The following MOCOS variants were observed in gnomAD, a reference collection of about 807,000 sequenced individuals.
MOCOS encodes the protein molybdenum cofactor sulfurase.
MOCOS carries 86 observed loss-of-function variants against 83.6 expected under a neutral mutation model. That is an observed-to-expected ratio of 1.03 (90% CI 0.86 to 1.23). MOCOS has a LOEUF of 1.23. MOCOS is among the 50% of genes most tolerant of loss of function. MOCOS has a pLI of 0.00. For synonymous variants in MOCOS, 445 were observed against 434.7 expected (o/e 1.02, Z -0.29); for missense variants, 1,120 against 1,126.9 (o/e 0.99, Z 0.09).
chr18:36,233,899 G>GTAA (rs2091548021), intron 9 of MOCOS, among the ~76,000 whole-genome samples: 1 of 83,272 alleles, frequency 1.2e-5, no homozygotes, highest in Admixed American at 1.5e-4. Flanking sequence ...TTTTGTTGCT[G>GTAA]ATTTGTTTGA....
chr18:36,263,330 G>A (rs1026942750), intron 13 of MOCOS, among the ~76,000 whole-genome samples: 1 of 152,140 alleles, frequency 6.6e-6, no homozygotes, highest in African/African-American at 2.4e-5. Context: ...GGCCTTTATT[G>A]CAAAATTATT....
At chr18:36,204,638 A>G (rs2091427535) in intron 5 of MOCOS, among the ~76,000 whole-genome samples, 1 of 152,194 alleles carries the variant, frequency 6.6e-6, no homozygotes, top group Non-Finnish European at 1.5e-5. Context: ...ATTTACACAC[A>G]TTTAAAATTA....
At chr18:36,190,425 G>A (rs367818222) in intron 1 of MOCOS, among the ~76,000 whole-genome samples, 4 of 151,942 alleles carry the variant, frequency 2.6e-5, no homozygotes, top group African/African-American at 7.3e-5. Context: ...TTCTCGTGAG[G>A]GTGCGTTCTC....
chr18:36,259,783 C>T lies in MOCOS; in HGVS notation c.2271-254C>T, dbSNP rs557276244. On this transcript the variant is annotated intron_variant, in intron 12 of 14. Coordinates refer to ENST00000261326, the MANE Select transcript of MOCOS (RefSeq NM_017947.4). ...TTCATCTCTTCAGCTAAGATCTGCT[C>T]GCCCTTTGCCTGGCTCTTGTGGGAC... Among the ~76,000 whole-genome samples the T allele has an allele frequency of 2.4e-4, 36 of 152,316 alleles. 1 individual carries two copies. The highest frequency in any genetic ancestry group is 1.1e-3 in the Admixed American group (17 of 15,292).
rs769769040 is a variant in MOCOS, at chr18:36,198,707, A to G, written c.250A>G (p.Asn84Asp). The change falls in exon 3 of 15, where the codon AAC becomes GAC. Residue 84 changes from asparagine to aspartate, a missense_variant. Physicochemically the swap from Asn to Asp is conservative, Grantham distance 23. Transcript: ENST00000261326. ...CCTGCCAGGTAATCCTCACAGCCAG[A>G]ACATCAGCAGCAAGCTCACCCATGA... The part of the protein sequence containing the change: ...ENTYGNPHSQ[N>D]ISSKLTHDTV... 6.2e-7 allele frequency: 1 copy of G among 1,614,184 alleles called. No homozygotes were observed.
chr18:36,207,515 T>C (rs796711671), intron 6 of MOCOS, among the ~76,000 whole-genome samples: 3 of 152,306 alleles, frequency 2.0e-5, no homozygotes, highest in African/African-American at 4.8e-5. Flanking sequence ...TGGTATCTCA[T>C]TGTGGTTTTA....
chr18:36,223,527 C>T (rs1036836436), intron 9 of MOCOS, among the ~76,000 whole-genome samples: 2 of 152,064 alleles, frequency 1.3e-5, no homozygotes, highest in African/African-American at 4.8e-5. Flanking sequence ...GGAATTGTGA[C>T]AACTCCAGCT....
chr18:36,213,590 C>G (rs771518037), intron 7 of MOCOS, 108 bp downstream of exon 7: 1 of 891,358 alleles, frequency 1.1e-6, no homozygotes, highest in African/African-American at 1.6e-5. Flanking sequence ...CATTTCTCCA[C>G]GCCTACTCTG....
At chr18:36,201,385 CG>C (rs2144902661) in intron 4 of MOCOS, among the ~76,000 whole-genome samples, 1 of 152,110 alleles carries the variant, frequency 6.6e-6, no homozygotes, top group African/African-American at 2.4e-5. Context: ...AATATTGGGT[CG>C]GGTGTGGTGG....
intron 8 of MOCOS, 145 bp from the exon 9 acceptor site, chr18:36,219,910 T>C (rs2091489743): frequency 9.6e-7 from 1 of 1,038,206 alleles, no homozygotes; most frequent in Non-Finnish European, 1.5e-6. Flanking sequence ...CTCTCTGTTT[T>C]AGTTTCTTCT....
chr18:36,247,376 A>T (rs1281575022), intron 9 of MOCOS, among the ~76,000 whole-genome samples: 1 of 151,992 alleles, frequency 6.6e-6, no homozygotes, highest in African/African-American at 2.4e-5. Context: ...TTTACTTCCC[A>T]TTTGTCTCCT....
intron 9 of MOCOS, among the ~76,000 whole-genome samples, chr18:36,227,015 TAGTCCTAAGCTA>T (rs202069070): frequency 0.016 from 2,442 of 151,556 alleles, 79 homozygotes; most frequent in African/African-American, 0.055. Flanking sequence ...GCCTCCTGAG[TAGTCCTAAGCTA>T]AGTCCTAAGC....
At chr18:36,221,874 C>A (rs1598880827) in intron 9 of MOCOS, among the ~76,000 whole-genome samples, 3 of 151,926 alleles carry the variant, frequency 2.0e-5, no homozygotes, top group East Asian at 3.9e-4. Context: ...TACAGGCATG[C>A]AGCACCATGA....
chr18:36,255,623 T>G (rs910322998), intron 11 of MOCOS, among the ~76,000 whole-genome samples: 3 of 152,142 alleles, frequency 2.0e-5, no homozygotes. Context: ...CAGAGCCGTT[T>G]TAGCAAAGAG....
At chr18:36,206,706 T>C (rs770519262) in intron 6 of MOCOS, among the ~76,000 whole-genome samples, 9 of 152,208 alleles carry the variant, frequency 5.9e-5, no homozygotes, top group Non-Finnish European at 1.2e-4. Flanking sequence ...TACTCAATGT[T>C]TAGCTCCTAA....
At chr18:36,204,149 TGTC>T (rs2091425435) in intron 5 of MOCOS, among the ~76,000 whole-genome samples, 1 of 152,248 alleles carries the variant, frequency 6.6e-6, no homozygotes, top group Non-Finnish European at 1.5e-5. Flanking sequence ...ACATTCACAA[TGTC>T]GTGCCACCAT....
chr18:36,248,909 CTTTGTTCA>C lies in MOCOS; in HGVS notation c.1961-10_1961-3del. 1 of 1,610,586 alleles carries C rather than the reference CTTTGTTCA, an allele frequency of 6.2e-7. No individual in the cohort carries two copies. The highest frequency in any genetic ancestry group is 8.5e-7 in the Non-Finnish European group (1 of 1,177,054). On this transcript the variant is annotated splice_polypyrimidine_tract_variant and splice_region_variant and intron_variant, in intron 9 of 14. Transcript: ENST00000261326. ...ACATAATGATAAATTTGTTTTTAAC[CTTTGTTCA>C]TTAGGGATGGAGCCTATAGAGGTGC...
At position 36,232,551 on chromosome 18, in the gene MOCOS, T is replaced by G. The variant is rs139358162; in HGVS notation, c.1960+12334T>G. Reference sequence around the variant, plus strand: ...ATATTTAATAAATTATTGTTAACCATAGTCACCCTATTGTGCTACAGAATA... The same window carrying G: ...ATATTTAATAAATTATTGTTAACCAGAGTCACCCTATTGTGCTACAGAATA... On this transcript the variant is annotated intron_variant, in intron 9 of 14. Coordinates refer to ENST00000261326, the MANE Select transcript of MOCOS (RefSeq NM_017947.4). Among the ~76,000 whole-genome samples the G allele has an allele frequency of 4.6e-3, 700 of 152,238 alleles. 5 individuals are homozygous for G. The highest frequency in any genetic ancestry group is 8.1e-3 in the Non-Finnish European group (554 of 68,010).
intron 7 of MOCOS, among the ~76,000 whole-genome samples, chr18:36,214,244 C>CAA (rs33965546): frequency 0.034 from 3,072 of 91,164 alleles, 87 homozygotes; most frequent in East Asian, 0.12. Context: ...AACTCAGTCT[C>CAA]AAAAAAAAAA....
Sources: allele counts gnomAD v4.1 joint callset (sites outside exome capture counted in the v4.1 genomes callset), GRCh38; gene constraint gnomAD v4.1.1; transcripts MANE v1.5; gene names NCBI Gene and HGNC (gene_info 2026-07-23, HGNC 2026-07-21).